ZMYM4: variants seen among roughly 807,000 people sequenced by gnomAD.
The protein encoded by ZMYM4 is zinc finger MYM-type protein 4.
A neutral mutation model predicts 183.2 loss-of-function variants in ZMYM4; 31 were observed. That is an observed-to-expected ratio of 0.17 (90% CI 0.13 to 0.23). ZMYM4 has a LOEUF of 0.23. ZMYM4 is among the 10% of genes least tolerant of loss of function. The pLI, the probability that ZMYM4 is intolerant of heterozygous loss-of-function variation, is 1.00. For synonymous variants in ZMYM4, 592 were observed against 631.2 expected (o/e 0.94, Z 0.93); for missense variants, 1,273 against 1,840.3 (o/e 0.69, Z 5.64).
At chr1:35,338,803 T>A (rs1039341283) in intron 2 of ZMYM4, among the ~76,000 whole-genome samples, 1 of 152,262 alleles carries the variant, frequency 6.6e-6, no homozygotes, top group Non-Finnish European at 1.5e-5. Flanking sequence ...ACCCACTTGC[T>A]ATTAGTTTTT....
chr1:35,377,259 A>G (rs1317376263), intron 7 of ZMYM4, among the ~76,000 whole-genome samples: 1 of 152,210 alleles, frequency 6.6e-6, no homozygotes, highest in Admixed American at 6.5e-5. Flanking sequence ...GGCTCAATGT[A>G]ACTACTCACT....
chr1:35,392,729 T>A, intron 17 of ZMYM4, 45 bp downstream of exon 17: 1 of 1,481,586 alleles, frequency 6.7e-7, no homozygotes, highest in Non-Finnish European at 9.2e-7. Flanking sequence ...TATTTATTTT[T>A]CATTTTCATA....
At chr1:35,404,086 C>T (rs1024180057) in intron 23 of ZMYM4, among the ~76,000 whole-genome samples, 12 of 152,106 alleles carry the variant, frequency 7.9e-5, no homozygotes, top group Non-Finnish European at 1.6e-4. Flanking sequence ...TGTTTTTAGA[C>T]AGGGTCTCCA....
chr1:35,386,322 C>A (rs986944928), intron 11 of ZMYM4, 133 bp downstream of exon 11: 10 of 613,956 alleles, frequency 1.6e-5, no homozygotes, highest in African/African-American at 1.5e-4. Flanking sequence ...GCTCACAGTT[C>A]CACAGGCTGT....
chr1:35,369,463 G>A (rs1644157933), intron 5 of ZMYM4, among the ~76,000 whole-genome samples: 1 of 152,082 alleles, frequency 6.6e-6, no homozygotes, highest in Non-Finnish European at 1.5e-5. Flanking sequence ...TTAGCCATTA[G>A]AAGTAATTTT....
chr1:35,337,366 A>G (rs1463414266), intron 2 of ZMYM4, among the ~76,000 whole-genome samples: 2 of 152,288 alleles, frequency 1.3e-5, no homozygotes, highest in African/African-American at 4.8e-5. Flanking sequence ...CAACTCATAT[A>G]TATATGTATA....
At chr1:35,363,454 A>G (rs1489483815) in intron 5 of ZMYM4, among the ~76,000 whole-genome samples, 2 of 152,144 alleles carry the variant, frequency 1.3e-5, no homozygotes, top group East Asian at 1.9e-4. Flanking sequence ...TCCCTTGCCA[A>G]TTTTAACAAA....
chr1:35,335,418 G>T (rs536278561), intron 2 of ZMYM4, among the ~76,000 whole-genome samples: 1 of 151,840 alleles, frequency 6.6e-6, no homozygotes, highest in East Asian at 1.9e-4. Context: ...TATATTTTTA[G>T]TAGAGACGAG....
intron 3 of ZMYM4, among the ~76,000 whole-genome samples, chr1:35,360,204 A>C (rs1643906421): frequency 6.6e-6 from 1 of 152,012 alleles, no homozygotes; most frequent in African/African-American, 2.4e-5. Flanking sequence ...CTATATTTCC[A>C]CAGCATTTTC....
intron 3 of ZMYM4, 90 bp downstream of exon 3, chr1:35,359,536 G>A: frequency 4.9e-6 from 6 of 1,226,574 alleles, no homozygotes; most frequent in Non-Finnish European, 6.6e-6. Flanking sequence ...GTTAAGTGAA[G>A]TATGAACGGT....
At chr1:35,376,409 G>C (rs1385370920) in intron 7 of ZMYM4, among the ~76,000 whole-genome samples, 1 of 152,110 alleles carries the variant, frequency 6.6e-6, no homozygotes, top group African/African-American at 2.4e-5. Flanking sequence ...TCCTATTTAA[G>C]GTCCAGCTAA....
intron 2 of ZMYM4, among the ~76,000 whole-genome samples, chr1:35,333,037 G>T (rs1489134415): frequency 6.6e-6 from 1 of 152,064 alleles, no homozygotes; most frequent in African/African-American, 2.4e-5. Context: ...GAGGGTGAAG[G>T]TCACGTTATA....
intron 2 of ZMYM4, chr1:35,350,748 T>A (rs942284680): frequency 6.7e-6 from 3 of 449,444 alleles, no homozygotes; most frequent in South Asian, 6.7e-5. Flanking sequence ...TTGTTAAGAA[T>A]AAGGCCTGCT....
At chr1:35,347,227 G>C (rs1359346467) in intron 2 of ZMYM4, among the ~76,000 whole-genome samples, 1 of 152,150 alleles carries the variant, frequency 6.6e-6, no homozygotes, top group Non-Finnish European at 1.5e-5. Context: ...AGCTGGTCTC[G>C]AACTCCTGAC....
At chr1:35,335,702 C>G (rs1179924167) in intron 2 of ZMYM4, among the ~76,000 whole-genome samples, 1 of 152,012 alleles carries the variant, frequency 6.6e-6, no homozygotes, top group African/African-American at 2.4e-5. Flanking sequence ...ACCTGTAATC[C>G]CAGCACTTTG....
chr1:35,381,566 C>T lies in ZMYM4; in HGVS notation c.1377C>T (p.Tyr459=), dbSNP rs1434973946. The stretch of plus-strand genomic sequence containing the variant: ...TCTAGATTCGACATGAAGTTAATTA[C>T]CAGAATGTGGTCCATAAACTTTGCA... ...KNAVIRHEVN[Y]QNVVHKLCSD... Residue 459 remains tyrosine, a synonymous_variant, in exon 9 of 30, where the codon TAC becomes TAT. Coordinates refer to ENST00000314607, the MANE Select transcript of ZMYM4 (RefSeq NM_005095.3). 1.2e-6 allele frequency: 2 copies of T among 1,614,138 alleles called. No individual in the cohort carries two copies. Among genetic ancestry groups the T allele is most frequent in the Non-Finnish European group, 1.7e-6 (2 of 1,180,028 alleles).
intron 1 of ZMYM4, among the ~76,000 whole-genome samples, chr1:35,277,938 T>C (rs1639953233): frequency 6.6e-6 from 1 of 152,196 alleles, no homozygotes; most frequent in African/African-American, 2.4e-5. Flanking sequence ...CTTTGATGAT[T>C]GGCGGTCTCT....
At chr1:35,405,287 C>G in intron 24 of ZMYM4, 86 bp from the exon 25 acceptor site, 1 of 1,576,298 alleles carries the variant, frequency 6.3e-7, no homozygotes, top group Non-Finnish European at 8.6e-7. Context: ...TCAAAAACCC[C>G]ATAAAACTTT....
intron 1 of ZMYM4, among the ~76,000 whole-genome samples, chr1:35,317,246 A>C (rs1228837242): frequency 2.0e-5 from 3 of 152,148 alleles, no homozygotes; most frequent in African/African-American, 7.2e-5. Context: ...CAGCTTGGCC[A>C]ACATGGTGAA....
Sources: allele counts gnomAD v4.1 joint callset (sites outside exome capture counted in the v4.1 genomes callset), GRCh38; gene constraint gnomAD v4.1.1; transcripts MANE v1.5; gene names NCBI Gene and HGNC (gene_info 2026-07-23, HGNC 2026-07-21).